Variants in LRRC36 observed in about 807,000 individuals in gnomAD.
The protein encoded by LRRC36 is leucine-rich repeat-containing protein 36.
A neutral mutation model predicts 81.1 loss-of-function variants in LRRC36; 62 were observed. The ratio of observed to expected loss-of-function variants is 0.76; its 90% CI spans 0.62 to 0.94. The LOEUF is 0.94. Among genes scored for constraint, LRRC36 ranks in the 40% least tolerant of loss-of-function variants. The pLI, the probability that LRRC36 is intolerant of heterozygous loss-of-function variation, is 0.00. For missense variants in LRRC36, 761 were observed against 881.7 expected (o/e 0.86, Z 1.73); for synonymous variants, 334 against 348.6 (o/e 0.96, Z 0.47).
chr16:67,363,058 C>T (rs994865901), intron 5 of LRRC36, among the ~76,000 whole-genome samples: 1 of 152,272 alleles, frequency 6.6e-6, no homozygotes, highest in Admixed American at 6.5e-5. Context: ...GCTGGGATTA[C>T]AGGCGTGAGC....
At chr16:67,364,945 A>C (rs1025338253) in intron 6 of LRRC36, among the ~76,000 whole-genome samples, 1 of 152,118 alleles carries the variant, frequency 6.6e-6, no homozygotes, top group Non-Finnish European at 1.5e-5. Flanking sequence ...CCCCTTAGCT[A>C]TGGTGGTTGA....
chr16:67,375,049 C>T (rs2039826340), intron 9 of LRRC36, among the ~76,000 whole-genome samples, 198 bp from the exon 10 acceptor site: 1 of 151,844 alleles, frequency 6.6e-6, no homozygotes, highest in South Asian at 2.1e-4. Flanking sequence ...ATCGCTTGAA[C>T]CTGGGAGGCA....
chr16:67,384,952 C>G lies in LRRC36; in HGVS notation c.2128C>G (p.Pro710Ala). 6.2e-7 allele frequency: 1 copy of G among 1,614,248 alleles called. No homozygotes were observed. The highest frequency in any genetic ancestry group is 8.5e-7 in the Non-Finnish European group (1 of 1,180,052). The change falls in exon 14 of 14, where the codon CCT becomes GCT. Residue 710 changes from proline to alanine, a missense_variant. Pro to Ala is a conservative substitution (Grantham distance 27). Transcript: ENST00000329956. ...KGYSGKALLP[P>A]EKGHHLGRSS... ...TTATTCCGGGAAAGCGCTCCTGCCT[C>G]CTGAGAAGGGTCATCATCTGGGGAG...
chr16:67,338,929 C>G (rs1433002063), intron 1 of LRRC36, among the ~76,000 whole-genome samples: 2 of 106,702 alleles, frequency 1.9e-5, no homozygotes, highest in Non-Finnish European at 3.5e-5. Context: ...GAGTCTCGCT[C>G]TGTTGCCCAG....
At chr16:67,380,988 C>T (rs1597509889) in intron 12 of LRRC36, among the ~76,000 whole-genome samples, 1 of 152,144 alleles carries the variant, frequency 6.6e-6, no homozygotes, top group Non-Finnish European at 1.5e-5. Context: ...CTTTGGGAGG[C>T]TGGGGTGGGT....
chr16:67,352,910 C>A (rs2038722597), intron 5 of LRRC36, among the ~76,000 whole-genome samples: 1 of 151,992 alleles, frequency 6.6e-6, no homozygotes, highest in Non-Finnish European at 1.5e-5. Context: ...TGGTCTTGAA[C>A]TCCTGAGCTC....
chr16:67,367,262 G>A lies in LRRC36; in HGVS notation c.1000G>A (p.Asp334Asn). 6.2e-7 allele frequency: 1 copy of A among 1,614,162 alleles called. No homozygotes were observed. Among genetic ancestry groups the A allele is most frequent in the Non-Finnish European group, 8.5e-7 (1 of 1,180,036 alleles). The change falls in exon 8 of 14, where the codon GAC (aspartate) becomes AAC (asparagine). Residue 334 changes from aspartate to asparagine, a missense_variant. Transcript: ENST00000329956. The stretch of plus-strand genomic sequence containing the variant: ...TTCAGATGTTGGTCTGGAAAATTAT[G>A]ACAGTTGTTATTCTCAAACTCTATC... ...LPSDVGLENY[D>N]SCYSQTLSLH... is the part of the protein sequence containing the mutation.
intron 5 of LRRC36, among the ~76,000 whole-genome samples, chr16:67,362,000 G>C (rs2039169536): frequency 6.6e-6 from 1 of 151,992 alleles, no homozygotes; most frequent in Non-Finnish European, 1.5e-5. Context: ...GGAAGCCAAG[G>C]CTGGCAGATT....
At chr16:67,327,029 A>G in intron 1 of LRRC36, 97 bp downstream of exon 1, 1 of 1,106,846 alleles carries the variant, frequency 9.0e-7, no homozygotes, top group Non-Finnish European at 1.2e-6. Flanking sequence ...GATAGAGGCG[A>G]GGGAACCACA....
chr16:67,339,561 C>A (rs1380046240), intron 1 of LRRC36, among the ~76,000 whole-genome samples: 1 of 152,122 alleles, frequency 6.6e-6, no homozygotes, highest in South Asian at 2.1e-4. Flanking sequence ...TTCTGTGGCT[C>A]TTTAAGTGCA....
chr16:67,344,145 C>G (rs977351834), intron 2 of LRRC36, among the ~76,000 whole-genome samples: 3 of 151,944 alleles, frequency 2.0e-5, no homozygotes, highest in African/African-American at 7.2e-5. Context: ...TAATCTTTAA[C>G]AGTTCTGAAT....
At chr16:67,369,696 A>T (rs927599121) in intron 8 of LRRC36, among the ~76,000 whole-genome samples, 2 of 152,200 alleles carry the variant, frequency 1.3e-5, no homozygotes, top group African/African-American at 2.4e-5. Context: ...AAGGTGAATG[A>T]GGAGCAAAGT....
At chr16:67,366,651 G>A (rs1322569483) in intron 7 of LRRC36, among the ~76,000 whole-genome samples, 1 of 152,044 alleles carries the variant, frequency 6.6e-6, no homozygotes, top group Non-Finnish European at 1.5e-5. Flanking sequence ...TCGGGAGGCT[G>A]AGGTACGAGA....
Position 67,365,314 on chromosome 16 carries a change from T to C in LRRC36, c.713T>C (p.Val238Ala), listed in dbSNP as rs2039335807. The C allele has an allele frequency of 1.2e-6, 2 of 1,613,092 alleles. No individual in the cohort carries two copies. The highest frequency in any genetic ancestry group is 1.7e-6 in the Non-Finnish European group (2 of 1,179,572). ...TFPLGTQTQE[V>A]ARREMPSDNH... is the part of the protein sequence containing the mutation. ...TCGAACTTTTTTTAGACACAGGAAG[T>C]AGCAAGAAGGGAGATGCCAAGTGAC... The change falls in exon 7 of 14, where the codon GTA (valine) becomes GCA (alanine). Residue 238 changes from valine to alanine, a missense_variant. Val to Ala is a moderately conservative substitution (Grantham distance 64). Around this residue, in one of 3 missense-constraint regions of LRRC36, gnomAD observed 263 missense variants for 279.3 expected, o/e 0.94. Transcript: ENST00000329956.
chr16:67,376,938 T>C, intron 11 of LRRC36, 66 bp downstream of exon 11: 3 of 1,518,200 alleles, frequency 2.0e-6, no homozygotes, highest in Non-Finnish European at 2.7e-6. Context: ...TCTGCCTTAA[T>C]GATCAGCATC....
chr16:67,364,751 G>A (rs767936173), intron 6 of LRRC36, among the ~76,000 whole-genome samples: 1 of 152,164 alleles, frequency 6.6e-6, no homozygotes, highest in Non-Finnish European at 1.5e-5. Flanking sequence ...AAAGGAAATT[G>A]AATAGTTTGC....
intron 12 of LRRC36, among the ~76,000 whole-genome samples, chr16:67,379,927 G>C (rs1333067161): frequency 6.6e-6 from 1 of 151,980 alleles, no homozygotes; most frequent in Non-Finnish European, 1.5e-5. Flanking sequence ...CATTTCTACA[G>C]TATCACAAGA....
intron 2 of LRRC36, 42 bp downstream of exon 2, chr16:67,342,126 A>AT (rs752435049): frequency 5.6e-6 from 8 of 1,424,700 alleles, no homozygotes; most frequent in Middle Eastern, 2.3e-4. Context: ...TGCCCAATTT[A>AT]TTTTTTTGAT....
At chr16:67,346,169 G>A (rs1034603589) in intron 2 of LRRC36, 87 bp from the exon 3 acceptor site, 5 of 889,448 alleles carry the variant, frequency 5.6e-6, no homozygotes, top group African/African-American at 1.7e-5. Context: ...GTTTAAGGAC[G>A]GAAAGTAACA....
Sources: gnomAD v4.1 joint callset for allele counts (sites outside exome capture counted in the v4.1 genomes callset) on GRCh38, gnomAD v4.1.1 for gene constraint, gnomAD v4.1.1 regional missense constraint, MANE v1.5 for transcripts, NCBI Gene and HGNC (gene_info 2026-07-23, HGNC 2026-07-21) for gene names.